NEK1: variants seen among roughly 807,000 people sequenced by gnomAD.
The protein encoded by NEK1 is NIMA related kinase 1, also known as serine/threonine-protein kinase Nek1.
In NEK1, 137 loss-of-function variants were observed where a neutral mutation model predicts 182.1. The observed-to-expected ratio is 0.75, with a 90% confidence interval of 0.65 to 0.87. The LOEUF is 0.87. Among genes scored for constraint, NEK1 ranks in the 40% least tolerant of loss-of-function variants. The probability of loss-of-function intolerance (pLI) is 0.00; values close to 1 mark genes in which losing one functional copy is unlikely to be tolerated. For synonymous variants in NEK1, 513 were observed against 492.2 expected, an observed-to-expected ratio of 1.04 and a Z score of -0.56; for missense variants, 1,391 against 1,494.4, an observed-to-expected ratio of 0.93 and a Z score of 1.14.
intron 35 of NEK1, among the ~76,000 whole-genome samples, chr4:169,395,288 C>G (rs1477803556): frequency 6.6e-6 from 1 of 152,172 alleles, no homozygotes; most frequent in Non-Finnish European, 1.5e-5. Flanking sequence ...AAAATGGAAT[C>G]CACGCTCCTT....
At chr4:169,601,462 T>C (rs2150137048) in intron 4 of NEK1, among the ~76,000 whole-genome samples, 1 of 152,204 alleles carries the variant, frequency 6.6e-6, no homozygotes, top group South Asian at 2.1e-4. Flanking sequence ...AAAACAGCAT[T>C]ATAGCTATAA....
intron 2 of NEK1, among the ~76,000 whole-genome samples, chr4:169,610,748 G>A (rs1327858847): frequency 6.6e-6 from 1 of 152,186 alleles, no homozygotes; most frequent in Non-Finnish European, 1.5e-5. Context: ...CTTAGGTTAA[G>A]CATTAAGCTC....
chr4:169,396,076 T>C (rs1730636802), intron 35 of NEK1, among the ~76,000 whole-genome samples: 1 of 151,582 alleles, frequency 6.6e-6, no homozygotes. Flanking sequence ...TTCTTAAGAG[T>C]CTATAATGGC....
chr4:169,453,078 T>TA (rs1213404450), intron 27 of NEK1, among the ~76,000 whole-genome samples: 5 of 151,962 alleles, frequency 3.3e-5, no homozygotes, highest in South Asian at 2.1e-4. Flanking sequence ...ACAAAGAGAA[T>TA]AAAATACCTA....
intron 29 of NEK1, among the ~76,000 whole-genome samples, chr4:169,430,852 T>G (rs1245819189): frequency 6.7e-6 from 1 of 149,916 alleles, no homozygotes; most frequent in Non-Finnish European, 1.5e-5. Context: ...AAAAAAAAAA[T>G]TGTTGGGGGT....
At chr4:169,414,030 T>C (rs1734102837) in intron 31 of NEK1, among the ~76,000 whole-genome samples, 1 of 152,120 alleles carries the variant, frequency 6.6e-6, no homozygotes, top group Non-Finnish European at 1.5e-5. Flanking sequence ...AAAAACAGTA[T>C]TTGTCACATA....
chr4:169,424,416 A>C, intron 31 of NEK1, 137 bp downstream of exon 31: 4 of 1,026,786 alleles, frequency 3.9e-6, no homozygotes, highest in African/African-American at 1.6e-5. Flanking sequence ...TTATTTGCTC[A>C]GAAGATGGAG....
chr4:169,587,024 T>C (rs574908332), intron 9 of NEK1, among the ~76,000 whole-genome samples: 4 of 152,036 alleles, frequency 2.6e-5, no homozygotes, highest in African/African-American at 9.6e-5. Flanking sequence ...AAACTGCTTT[T>C]TTAAGATTAA....
chr4:169,552,490 A>G (rs1398129591), intron 18 of NEK1, among the ~76,000 whole-genome samples: 1 of 152,148 alleles, frequency 6.6e-6, no homozygotes, highest in East Asian at 1.9e-4. Flanking sequence ...TACAGCTAAC[A>G]TATTTAATGG....
chr4:169,409,170 G>C (rs1001950688), intron 31 of NEK1, among the ~76,000 whole-genome samples: 3 of 150,766 alleles, frequency 2.0e-5, no homozygotes, highest in African/African-American at 7.3e-5. Flanking sequence ...TTTTGAGACA[G>C]AGTCTTGCTC....
chr4:169,463,438 T>C (rs778680392), intron 26 of NEK1, 43 bp from the exon 27 acceptor site: 8 of 1,456,678 alleles, frequency 5.5e-6, no homozygotes, highest in Non-Finnish European at 7.5e-6. Flanking sequence ...AATAACAGTA[T>C]AATAATACTG....
At position 169,398,743 on chromosome 4, in the gene NEK1, C is replaced by T. The variant is rs139363024; in HGVS notation, c.3847+1482G>A. On this transcript the variant is annotated intron_variant, in intron 35 of 35. Transcript: ENST00000507142. The stretch of plus-strand genomic sequence containing the variant: ...CTATATACATATATATATTTCAATG[C>T]AATCTTAGACTTTTTTGTATGAATA... 7.0e-4 allele frequency among the ~76,000 whole-genome samples: 106 copies of T among 152,142 alleles called. 1 individual carries two copies. In the East Asian group the frequency reaches 0.018, roughly 25 times the overall value.
At chr4:169,429,969 T>C (rs1737117657) in intron 29 of NEK1, among the ~76,000 whole-genome samples, 16 of 152,214 alleles carry the variant, frequency 1.1e-4, no homozygotes, top group Admixed American at 9.2e-4. Flanking sequence ...ATTTCAGAAA[T>C]GGAAATGATT....
chr4:169,436,004 A>G (rs1203154648), intron 28 of NEK1, among the ~76,000 whole-genome samples: 1 of 152,178 alleles, frequency 6.6e-6, no homozygotes, highest in African/African-American at 2.4e-5. Flanking sequence ...CTTGGGCTCA[A>G]GTGATTCTCC....
intron 6 of NEK1, 92 bp downstream of exon 6, chr4:169,590,634 A>G (rs577258606): frequency 1.4e-6 from 1 of 713,270 alleles, no homozygotes; most frequent in Non-Finnish European, 2.4e-6. Flanking sequence ...AATCTGATGC[A>G]CACTAAATCA....
intron 5 of NEK1, among the ~76,000 whole-genome samples, chr4:169,597,582 G>A (rs1172503223): frequency 1.3e-5 from 2 of 152,212 alleles, no homozygotes; most frequent in Non-Finnish European, 2.9e-5. Flanking sequence ...GCAGCCATGA[G>A]CTGTGATGGT....
chr4:169,565,170 G>T (rs974735637), intron 12 of NEK1, among the ~76,000 whole-genome samples: 2 of 152,102 alleles, frequency 1.3e-5, no homozygotes, highest in Non-Finnish European at 2.9e-5. Flanking sequence ...AAACAATACT[G>T]AAATATTTAA....
chr4:169,490,405 C>T (rs920596869), intron 23 of NEK1, among the ~76,000 whole-genome samples: 3 of 152,034 alleles, frequency 2.0e-5, no homozygotes, highest in Non-Finnish European at 1.5e-5. Context: ...GTTATCAATG[C>T]AAGGACACAA....
At chr4:169,469,065 G>C (rs1173859499) in intron 26 of NEK1, among the ~76,000 whole-genome samples, 1 of 152,030 alleles carries the variant, frequency 6.6e-6, no homozygotes, top group Non-Finnish European at 1.5e-5. Flanking sequence ...CAAAAAACCA[G>C]CTCCTGGATT....
Sources: allele counts gnomAD v4.1 joint callset (sites outside exome capture counted in the v4.1 genomes callset), GRCh38; gene constraint gnomAD v4.1.1; transcripts MANE v1.5; gene names NCBI Gene and HGNC (gene_info 2026-07-23, HGNC 2026-07-21).